The following ADAMTS17 variants were observed in gnomAD, a reference collection of about 807,000 sequenced individuals.
ADAMTS17 encodes ADAM metallopeptidase with thrombospondin type 1 motif 17.
ADAMTS17 carries 113 observed loss-of-function variants against 141.5 expected under a neutral mutation model. That is an observed-to-expected ratio of 0.80 (90% CI 0.69 to 0.93). ADAMTS17 has a LOEUF of 0.93. Among genes scored for constraint, ADAMTS17 ranks in the 40% least tolerant of loss-of-function variants. The pLI is 0.00. For missense variants in ADAMTS17, 1,659 were observed against 1,517.9 expected (o/e 1.09, Z -1.54); for synonymous variants, 768 against 630.6 (o/e 1.22, Z -3.27).
At chr15:100,063,587 C>G in intron 15 of ADAMTS17, 1 of 1,134,486 alleles carries the variant, frequency 8.8e-7, no homozygotes, top group African/African-American at 1.6e-5. Context: ...CAGCCATAAC[C>G]CGGGAGGAAT....
intron 20 of ADAMTS17, among the ~76,000 whole-genome samples, chr15:99,982,792 C>T (rs1260967856): frequency 6.6e-6 from 1 of 152,210 alleles, no homozygotes; most frequent in African/African-American, 2.4e-5. Context: ...AAGCTCCTTG[C>T]CGGGAAACCT....
At chr15:100,198,385 C>T (rs2041200178) in intron 8 of ADAMTS17, among the ~76,000 whole-genome samples, 1 of 152,176 alleles carries the variant, frequency 6.6e-6, no homozygotes, top group Non-Finnish European at 1.5e-5. Context: ...ACTGACTTTA[C>T]TCTCGTAAAA....
At chr15:100,131,060 C>T (rs553951909) in intron 12 of ADAMTS17, among the ~76,000 whole-genome samples, 1 of 152,048 alleles carries the variant, frequency 6.6e-6, no homozygotes, top group Admixed American at 6.6e-5. Flanking sequence ...GGTTCATGTC[C>T]TTTGCAGGGA....
intron 20 of ADAMTS17, among the ~76,000 whole-genome samples, chr15:99,983,281 G>C (rs1371574723): frequency 6.6e-6 from 1 of 152,118 alleles, no homozygotes; most frequent in African/African-American, 2.4e-5. Flanking sequence ...AACACAGTAG[G>C]TGCTCAATAA....
chr15:100,051,582 C>A lies in ADAMTS17; in HGVS notation c.2445G>T (p.Gln815His). 1 of 1,613,748 alleles carries A rather than the reference C, an allele frequency of 6.2e-7. No individual in the cohort carries two copies. Among genetic ancestry groups the A allele is most frequent in the Non-Finnish European group, 8.5e-7 (1 of 1,179,930 alleles). The change falls in exon 17 of 22, where the codon CAG becomes CAT. Residue 815 changes from glutamine to histidine, a missense_variant. Gln to His is a conservative substitution (Grantham distance 24). Coordinates refer to ENST00000268070, the MANE Select transcript of ADAMTS17 (RefSeq NM_139057.4). ...ACCACGGCCACTCACCTCCGCCGCACTGCACACTGCACCCTTCCCAGCCGC... is the reference window on the plus strand; with the variant it reads ...ACCACGGCCACTCACCTCCGCCGCAATGCACACTGCACCCTTCCCAGCCGC... ...THSGWEGCSV[Q>H]CGGGERRTIV...
At chr15:100,138,249 C>T (rs906434534) in intron 10 of ADAMTS17, among the ~76,000 whole-genome samples, 1 of 152,170 alleles carries the variant, frequency 6.6e-6, no homozygotes, top group East Asian at 1.9e-4. Flanking sequence ...TCTTAGAATT[C>T]CATGGTTATG....
At chr15:100,115,230 T>G (rs1348886674) in intron 13 of ADAMTS17, among the ~76,000 whole-genome samples, 1 of 152,176 alleles carries the variant, frequency 6.6e-6, no homozygotes, top group Non-Finnish European at 1.5e-5. Context: ...GGAAGCCTCC[T>G]GCCACCTCCT....
intron 12 of ADAMTS17, among the ~76,000 whole-genome samples, chr15:100,125,828 TA>T (rs1374579114): frequency 1.3e-5 from 2 of 151,674 alleles, no homozygotes; most frequent in African/African-American, 4.8e-5. Context: ...AGACCAAGAC[TA>T]AAAAAAATAA....
intron 6 of ADAMTS17, among the ~76,000 whole-genome samples, chr15:100,254,896 G>C (rs955749318): frequency 1.3e-5 from 2 of 152,180 alleles, no homozygotes; most frequent in African/African-American, 4.8e-5. Flanking sequence ...GCTAACGGAT[G>C]CTGGGCTTAA....
intron 20 of ADAMTS17, among the ~76,000 whole-genome samples, chr15:99,977,327 T>C (rs543294837): frequency 4.7e-4 from 59 of 125,786 alleles, no homozygotes; most frequent in African/African-American, 1.7e-3. Flanking sequence ...ACTTCGTGGT[T>C]CTGTTCTCCG....
chr15:100,296,769 A>G lies in ADAMTS17; in HGVS notation c.617-15368T>C, dbSNP rs116008556. ...TGAATACAGCAGGCCAGGGTAGGGA[A>G]GCCGGGCTGGACCTTCCTATCCATG... On this transcript the variant is annotated intron_variant, in intron 3 of 21. Transcript: ENST00000268070. 4.2e-3 allele frequency among the ~76,000 whole-genome samples: 643 copies of G among 152,352 alleles called. 3 individuals are homozygous for G. The highest frequency in any genetic ancestry group is 0.014 in the African/African-American group (597 of 41,596).
chr15:100,116,485 G>A (rs564065064), intron 13 of ADAMTS17, among the ~76,000 whole-genome samples: 3 of 152,360 alleles, frequency 2.0e-5, no homozygotes, highest in South Asian at 2.1e-4. Context: ...GAGAGCAGCC[G>A]CACCAGCACA....
chr15:100,180,411 G>A (rs1013795025), intron 8 of ADAMTS17, among the ~76,000 whole-genome samples: 1 of 152,128 alleles, frequency 6.6e-6, no homozygotes, highest in African/African-American at 2.4e-5. Flanking sequence ...ATGCCATTTT[G>A]GTTACTATAG....
intron 7 of ADAMTS17, among the ~76,000 whole-genome samples, chr15:100,203,464 T>C (rs2041416128): frequency 6.6e-6 from 1 of 152,194 alleles, no homozygotes; most frequent in Admixed American, 6.5e-5. Context: ...CCCAGCACTT[T>C]GGGAGACCGA....
chr15:100,049,952 G>T (rs1309693439), intron 17 of ADAMTS17, among the ~76,000 whole-genome samples: 2 of 152,196 alleles, frequency 1.3e-5, no homozygotes, highest in Non-Finnish European at 2.9e-5. Context: ...TAGCTCTATT[G>T]CTGTCATTAT....
chr15:100,193,756 G>A (rs186341339), intron 8 of ADAMTS17, among the ~76,000 whole-genome samples: 4 of 152,194 alleles, frequency 2.6e-5, no homozygotes, highest in East Asian at 1.9e-4. Flanking sequence ...CAGAGGCCAC[G>A]GGCTGAGCCT....
chr15:100,029,939 C>A (rs73482743), intron 18 of ADAMTS17, among the ~76,000 whole-genome samples: 1,631 of 152,310 alleles, frequency 0.011, 34 homozygotes, highest in African/African-American at 0.037. Flanking sequence ...GAATCAGAAG[C>A]TCTGGGAGTG....
chr15:99,999,447 G>A (rs954654157), intron 18 of ADAMTS17, among the ~76,000 whole-genome samples: 6 of 152,172 alleles, frequency 3.9e-5, no homozygotes, highest in African/African-American at 1.4e-4. Context: ...AGTGAGCCCC[G>A]TGACTACGTG....
intron 3 of ADAMTS17, among the ~76,000 whole-genome samples, chr15:100,316,134 C>A (rs998147171): frequency 1.3e-5 from 2 of 152,170 alleles, no homozygotes; most frequent in Non-Finnish European, 2.9e-5. Context: ...AAGTTACTAG[C>A]ATTTTGAGAG....
Sources: gnomAD v4.1 joint callset for allele counts (sites outside exome capture counted in the v4.1 genomes callset) on GRCh38, gnomAD v4.1.1 for gene constraint, MANE v1.5 for transcripts, NCBI Gene and HGNC (gene_info 2026-07-23, HGNC 2026-07-21) for gene names.